The following CSMD1 variants were observed in gnomAD, a reference collection of about 807,000 sequenced individuals.
The protein encoded by CSMD1 is CUB and Sushi multiple domains 1.
CSMD1 carries 213 observed loss-of-function variants against 417.5 expected under a neutral mutation model. The ratio of observed to expected loss-of-function variants is 0.51; its 90% CI spans 0.46 to 0.57. The LOEUF is 0.57. Among genes scored for constraint, CSMD1 ranks in the 20% least tolerant of loss-of-function variants. The probability of loss-of-function intolerance (pLI) is 0.00; values close to 1 mark genes in which losing one functional copy is unlikely to be tolerated. For missense variants in CSMD1, 6,923 were observed against 4,529.7 expected, an observed-to-expected ratio of 1.53 and a Z score of -15.17; for synonymous variants, 2,862 against 1,736.8, an observed-to-expected ratio of 1.65 and a Z score of -16.11.
intron 33 of CSMD1, among the ~76,000 whole-genome samples, chr8:3,199,293 T>C (rs967141004): frequency 6.6e-6 from 1 of 152,220 alleles, no homozygotes; most frequent in African/African-American, 2.4e-5. Context: ...TAAATTTCCA[T>C]TTAAGCTTAG....
chr8:3,962,922 C>T (rs12679322), intron 5 of CSMD1, among the ~76,000 whole-genome samples: 2,644 of 152,196 alleles, frequency 0.017, 55 homozygotes, highest in South Asian at 0.081. Flanking sequence ...TTCCACAAAA[C>T]TTTTCACTCA....
At chr8:4,734,200 A>T (rs1244247365) in intron 1 of CSMD1, among the ~76,000 whole-genome samples, 2 of 152,152 alleles carry the variant, frequency 1.3e-5, no homozygotes, top group African/African-American at 4.8e-5. Flanking sequence ...TTACCTGGAA[A>T]ATTCCCCTGC....
chr8:2,982,662 G>T (rs554712557), intron 54 of CSMD1, among the ~76,000 whole-genome samples: 4 of 152,194 alleles, frequency 2.6e-5, no homozygotes, highest in African/African-American at 9.7e-5. Context: ...ACCTCCAGGA[G>T]CTGCCCTGTC....
Position 4,994,634 on chromosome 8 carries a change from C to G in CSMD1, c.-218G>C. On this transcript the variant is annotated 5_prime_UTR_variant, in exon 1 of 70. Coordinates refer to ENST00000635120, the MANE Select transcript of CSMD1 (RefSeq NM_033225.6). ...GAGCCACTGCAGGGCTGAGCTGCTC[C>G]GAGCGCGGAGACCCGGGCTGGCGGG... 2.2e-6 allele frequency: 1 copy of G among 462,198 alleles called. No individual in the cohort carries two copies. Among genetic ancestry groups the G allele is most frequent in the Non-Finnish European group, 3.8e-6 (1 of 260,110 alleles). 28.6% of individuals were successfully genotyped at this position (462,198 alleles called of 1,614,324 possible).
intron 1 of CSMD1, among the ~76,000 whole-genome samples, chr8:4,666,024 A>AT (rs889653318): frequency 3.0e-4 from 45 of 151,934 alleles, no homozygotes; most frequent in East Asian, 1.6e-3. Flanking sequence ...TGTTGTTGTC[A>AT]TTTTTTTTGT....
chr8:4,290,385 A>T (rs1488029843), intron 3 of CSMD1, among the ~76,000 whole-genome samples: 1 of 152,244 alleles, frequency 6.6e-6, no homozygotes, highest in Admixed American at 6.5e-5. Context: ...CCAAAGACGT[A>T]GGAAGTGGTA....
intron 5 of CSMD1, among the ~76,000 whole-genome samples, chr8:3,785,327 G>A (rs1172737308): frequency 1.3e-5 from 2 of 152,178 alleles, no homozygotes; most frequent in Non-Finnish European, 2.9e-5. Context: ...GAAAATAAAT[G>A]CCCCGGGCAA....
intron 7 of CSMD1, among the ~76,000 whole-genome samples, chr8:3,624,018 C>G (rs564082460): frequency 6.6e-6 from 1 of 151,856 alleles, no homozygotes; most frequent in Non-Finnish European, 1.5e-5. Context: ...TGTACTCTGG[C>G]CATAATTACC....
At chr8:4,545,979 C>T (rs1374634930) in intron 2 of CSMD1, among the ~76,000 whole-genome samples, 3 of 151,806 alleles carry the variant, frequency 2.0e-5, no homozygotes, top group African/African-American at 7.3e-5. Context: ...GAATCCCCTT[C>T]TTATGACCCC....
intron 1 of CSMD1, among the ~76,000 whole-genome samples, chr8:4,690,444 A>C (rs1164706294): frequency 6.6e-6 from 1 of 152,222 alleles, no homozygotes; most frequent in Admixed American, 6.5e-5. Context: ...AAAGTTGCAG[A>C]ATTTAAGGAA....
chr8:4,168,847 C>A (rs1421300436), intron 3 of CSMD1, among the ~76,000 whole-genome samples: 2 of 152,114 alleles, frequency 1.3e-5, no homozygotes, highest in Non-Finnish European at 2.9e-5. Flanking sequence ...TCTTCAGCCT[C>A]CACCACAGTT....
intron 3 of CSMD1, among the ~76,000 whole-genome samples, chr8:4,318,935 T>C (rs1285987675): frequency 6.6e-6 from 1 of 152,138 alleles, no homozygotes; most frequent in Non-Finnish European, 1.5e-5. Flanking sequence ...AATTTTACTC[T>C]CTTTATTAAA....
chr8:3,000,436 T>C (rs1807301998), intron 52 of CSMD1, among the ~76,000 whole-genome samples: 1 of 152,128 alleles, frequency 6.6e-6, no homozygotes, highest in South Asian at 2.1e-4. Context: ...TACCTTGTTA[T>C]ACTATTTTCA....
chr8:4,338,540 C>T (rs538475509), intron 3 of CSMD1, among the ~76,000 whole-genome samples: 11 of 152,118 alleles, frequency 7.2e-5, no homozygotes, highest in African/African-American at 2.6e-4. Flanking sequence ...TTCTAGTTTA[C>T]TCTATTTTCA....
chr8:4,432,295 A>C (rs1797916402), intron 2 of CSMD1, among the ~76,000 whole-genome samples: 1 of 152,176 alleles, frequency 6.6e-6, no homozygotes, highest in Non-Finnish European at 1.5e-5. Flanking sequence ...TTATGAGGCA[A>C]GAGCCCAGAG....
chr8:4,323,283 A>G (rs929030434), intron 3 of CSMD1, among the ~76,000 whole-genome samples: 8 of 152,196 alleles, frequency 5.3e-5, no homozygotes, highest in African/African-American at 1.9e-4. Context: ...AGCAGGTTCA[A>G]CAGACTTATT....
intron 1 of CSMD1, among the ~76,000 whole-genome samples, chr8:4,950,802 A>G (rs988607215): frequency 2.1e-4 from 32 of 151,996 alleles, no homozygotes; most frequent in Admixed American, 9.8e-4. Context: ...AAGCATCACC[A>G]CTCAACCACT....
rs1803010480 is a variant in CSMD1, at chr8:3,284,648, A to G, written c.3951-302T>C. 41 of 336,934 alleles carry G rather than the reference A, an allele frequency of 1.2e-4. 2 individuals are homozygous for G. The South Asian group carries it at 1.3e-3, about 11-fold the overall frequency. 20.9% of individuals were successfully genotyped at this position (336,934 alleles called of 1,614,324 possible). A position where few individuals can be genotyped will look rare whatever the true frequency, so the allele number is the denominator to read the frequency against. Reference sequence around the variant, plus strand: ...GCTTTTGAGACTTCCAGATCTCTGTATAATTTAAGCTTTCTACGGCACACA... The same window carrying G: ...GCTTTTGAGACTTCCAGATCTCTGTGTAATTTAAGCTTTCTACGGCACACA... On this transcript the variant is annotated intron_variant, in intron 25 of 69. Coordinates refer to ENST00000635120, the MANE Select transcript of CSMD1 (RefSeq NM_033225.6).
At chr8:3,107,554 C>T (rs1289534095) in intron 45 of CSMD1, among the ~76,000 whole-genome samples, 164 bp downstream of exon 45, 1 of 151,674 alleles carries the variant, frequency 6.6e-6, no homozygotes, top group East Asian at 1.9e-4. Context: ...ACATGACCTC[C>T]GTATAAGTTC....
Sources: gnomAD v4.1 joint callset for allele counts (sites outside exome capture counted in the v4.1 genomes callset) on GRCh38, gnomAD v4.1.1 for gene constraint, MANE v1.5 for transcripts, NCBI Gene and HGNC (gene_info 2026-07-23, HGNC 2026-07-21) for gene names.